Variants in U2SURP observed in about 807,000 individuals in gnomAD.
U2SURP encodes the protein U2 snRNP associated SURP domain containing.
In U2SURP, 9 loss-of-function variants were observed where a neutral mutation model predicts 144.9. The observed-to-expected ratio is 0.06, with a 90% CI of 0.04 to 0.11. The LOEUF (loss-of-function observed/expected upper bound fraction) is 0.11, where lower values mean the gene tolerates loss of function less well. U2SURP is among the 10% of genes least tolerant of loss of function. The pLI, the probability that U2SURP is intolerant of heterozygous loss-of-function variation, is 1.00. For missense variants in U2SURP, 724 were observed against 1,226.7 expected, an observed-to-expected ratio of 0.59 and a Z score of 6.12; for synonymous variants, 408 against 396.8, an observed-to-expected ratio of 1.03 and a Z score of -0.33.
Position 143,016,315 on chromosome 3 carries a change from G to A in U2SURP, c.380G>A (p.Ser127Asn), listed in dbSNP as rs1936368212. Reference protein sequence around the residue: ...YEEFLAAFEGSDGNKVKTFVR... With the variant: ...YEEFLAAFEGNDGNKVKTFVR... ...GAGTTTCTTGCTGCTTTTGAAGGAA[G>A]TGATGGTAATAAAGTGAAAACATTT... The change falls in exon 5 of 28, where the codon AGT becomes AAT. Residue 127 changes from serine (S) to asparagine (N), a missense_variant. Transcript: ENST00000473835. 2 of 1,613,384 alleles carry A rather than the reference G, an allele frequency of 1.2e-6. No homozygotes were observed. Among genetic ancestry groups the A allele is most frequent in the African/African-American group, 1.3e-5 (1 of 75,004 alleles).
At chr3:143,035,652 C>T (rs947879267) in intron 19 of U2SURP, among the ~76,000 whole-genome samples, 3 of 152,020 alleles carry the variant, frequency 2.0e-5, no homozygotes, top group African/African-American at 7.2e-5. Flanking sequence ...CTTTGGTTTC[C>T]AGTTTTAGTA....
chr3:143,035,067 G>A, intron 19 of U2SURP, 92 bp downstream of exon 19: 1 of 622,530 alleles, frequency 1.6e-6, no homozygotes, highest in Non-Finnish European at 2.6e-6. Flanking sequence ...AGACAAGTAT[G>A]AGACATAAAT....
At chr3:143,044,289 C>CGTTTTTTTTTTTTTTTTTTT (rs1934284162) in intron 24 of U2SURP, among the ~76,000 whole-genome samples, 1 of 81,388 alleles carries the variant, frequency 1.2e-5, no homozygotes, top group Admixed American at 1.6e-4. Context: ...CTCCCCTCTC[C>CGTTTTTTTTTTTTTTTTTTT]TTTTTTTTTT....
At chr3:143,015,825 ATGCCACT>A (rs1397082551) in intron 4 of U2SURP, among the ~76,000 whole-genome samples, 2 of 152,078 alleles carry the variant, frequency 1.3e-5, no homozygotes, top group Admixed American at 6.6e-5. Context: ...GCTTTCCTTA[ATGCCACT>A]TGTCAGTAGA....
At chr3:143,046,854 G>A (rs2108310956) in intron 24 of U2SURP, among the ~76,000 whole-genome samples, 1 of 126,634 alleles carries the variant, frequency 7.9e-6, no homozygotes, top group African/African-American at 3.4e-5. Flanking sequence ...AGACGGGGTG[G>A]TGGCCGGGTA....
In U2SURP at chr3:143,060,539, A is replaced by G. The variant is rs559784800; in HGVS notation, c.*4089A>G. 3 of 151,940 alleles carry G rather than the reference A, an allele frequency of 2.0e-5. No homozygotes were observed. The highest frequency in any genetic ancestry group is 2.9e-5 in the Non-Finnish European group (2 of 67,848). 9.4% of individuals were successfully genotyped at this position (151,940 alleles called of 1,614,324 possible). A position where few individuals can be genotyped will look rare whatever the true frequency, so the allele number is the denominator to read the frequency against. On this transcript the variant is annotated 3_prime_UTR_variant, in exon 28 of 28. Transcript: ENST00000473835. ...TAATTAATAAAAGTACATTGTTTTCATAGCAAACTTAGACTGTCCATGTAA... is the reference window on the plus strand; with the variant it reads ...TAATTAATAAAAGTACATTGTTTTCGTAGCAAACTTAGACTGTCCATGTAA...
At position 143,059,928 on chromosome 3, in the gene U2SURP, C is replaced by A. The variant is rs1037596856; in HGVS notation, c.*3478C>A. 1 of 152,302 alleles carries A rather than the reference C, an allele frequency of 6.6e-6. No individual in the cohort carries two copies. 9.4% of individuals were successfully genotyped at this position (152,302 alleles called of 1,614,324 possible). ...AGTGTTTAATTCATTATCCTTTTGA[C>A]TTAAAATTTTTGTTACCAACTTCCT... is the stretch of plus-strand genomic sequence containing the variant. On this transcript the variant is annotated 3_prime_UTR_variant, in exon 28 of 28. Coordinates refer to ENST00000473835, the MANE Select transcript of U2SURP (RefSeq NM_001080415.2).
rs374471161 is a variant in U2SURP, at chr3:143,023,033, C to T, written c.1199C>T (p.Pro400Leu). The T allele has an allele frequency of 3.1e-6, 5 of 1,607,428 alleles. No individual in the cohort carries two copies. The highest frequency in any genetic ancestry group is 1.1e-5 in the South Asian group (1 of 89,488). The part of the protein sequence containing the change: ...RLKNPNAPML[P>L]PPKNKEDFEK... ...AAAAACCCTAATGCTCCTATGTTAC[C>T]GCCACCTAAAAACAAAGAGGATTTT... Residue 400 changes from proline to leucine, a missense_variant, in exon 12 of 28, where the codon CCG (proline) becomes CTG (leucine). Pro to Leu is a moderately conservative substitution (Grantham distance 98, BLOSUM62 -3). This residue lies in a region of U2SURP where 64 missense variants were observed against 164.1 expected (regional missense o/e 0.39). Transcript: ENST00000473835.
chr3:143,053,047 T>G (rs572172612), intron 25 of U2SURP, among the ~76,000 whole-genome samples: 1 of 150,714 alleles, frequency 6.6e-6, no homozygotes, highest in Non-Finnish European at 1.5e-5. Flanking sequence ...TTCCCACTAA[T>G]AAAACTTCGA....
chr3:143,018,134 C>T (rs917454054), intron 6 of U2SURP, among the ~76,000 whole-genome samples: 2 of 152,100 alleles, frequency 1.3e-5, no homozygotes, highest in Non-Finnish European at 2.9e-5. Context: ...ACAATCACCA[C>T]TCTAATTTCA....
rs185128678 is a variant in U2SURP at position 143,039,021 on chromosome 3, G to A, written c.2384+61G>A. 20 of 1,177,592 alleles carry A rather than the reference G, an allele frequency of 1.7e-5. No homozygotes were observed. In the African/African-American group the frequency reaches 2.3e-4, roughly 13 times the overall value. 72.9% of individuals were successfully genotyped at this position (1,177,592 alleles called of 1,614,324 possible). Reference sequence around the variant, plus strand: ...TCATATACACTCCCCTTTTCATTAAGAGATATAGTTGAAATAATAGTGAAG... The same window carrying A: ...TCATATACACTCCCCTTTTCATTAAAAGATATAGTTGAAATAATAGTGAAG... On this transcript the variant is annotated intron_variant, in intron 23 of 27. Transcript: ENST00000473835.
chr3:143,053,263 C>T (rs778399533), intron 25 of U2SURP, among the ~76,000 whole-genome samples: 1 of 152,248 alleles, frequency 6.6e-6, no homozygotes, highest in East Asian at 1.9e-4. Context: ...AGCTCTGACT[C>T]TAGAGCTTGG....
At chr3:143,054,259 T>G (rs1935034345) in intron 26 of U2SURP, among the ~76,000 whole-genome samples, 1 of 152,174 alleles carries the variant, frequency 6.6e-6, no homozygotes, top group Non-Finnish European at 1.5e-5. Flanking sequence ...TCTCTTTCAG[T>G]TTTTATGTCT....
At chr3:143,052,810 G>C (rs1479679521) in intron 25 of U2SURP, among the ~76,000 whole-genome samples, 2 of 152,224 alleles carry the variant, frequency 1.3e-5, no homozygotes, top group Admixed American at 1.3e-4. Flanking sequence ...GAATCGTAGA[G>C]AAATTAAATT....
intron 23 of U2SURP, among the ~76,000 whole-genome samples, chr3:143,040,611 A>G (rs530508286): frequency 6.6e-6 from 1 of 151,984 alleles, no homozygotes; most frequent in African/African-American, 2.4e-5. Flanking sequence ...TTTGTATTGA[A>G]TACTGTATGG....
At chr3:143,024,923 A>C (rs145768371) in intron 13 of U2SURP, among the ~76,000 whole-genome samples, 9 of 152,114 alleles carry the variant, frequency 5.9e-5, no homozygotes, top group African/African-American at 2.2e-4. Flanking sequence ...GTTGCCCAGA[A>C]TAAGATAATT....
At chr3:143,045,983 A>G (rs1934411683) in intron 24 of U2SURP, among the ~76,000 whole-genome samples, 1 of 152,196 alleles carries the variant, frequency 6.6e-6, no homozygotes, top group Non-Finnish European at 1.5e-5. Flanking sequence ...CTAAATTTGG[A>G]TATCCATTTC....
chr3:143,024,522 A>G (rs188175558), intron 13 of U2SURP: 13 of 435,540 alleles, frequency 3.0e-5, no homozygotes, highest in Admixed American at 1.1e-4. Flanking sequence ...TGGACATACT[A>G]GAAACTTTCT....
intron 14 of U2SURP, among the ~76,000 whole-genome samples, chr3:143,027,901 A>T (rs959021324): frequency 6.6e-6 from 1 of 152,170 alleles, no homozygotes; most frequent in Non-Finnish European, 1.5e-5. Context: ...ATGCTTTTCA[A>T]TGAAGGAATC....
Sources: gnomAD v4.1 joint callset for allele counts (sites outside exome capture counted in the v4.1 genomes callset) on GRCh38, gnomAD v4.1.1 for gene constraint, gnomAD v4.1.1 regional missense constraint, MANE v1.5 for transcripts, NCBI Gene and HGNC (gene_info 2026-07-23, HGNC 2026-07-21) for gene names.